The following MAPRE2 variants were observed in gnomAD, a reference collection of about 807,000 sequenced individuals.
The protein encoded by MAPRE2 is microtubule associated protein RP/EB family member 2.
In MAPRE2, 13 loss-of-function variants were observed where a neutral mutation model predicts 43.2. The observed-to-expected ratio is 0.30, with a 90% CI of 0.20 to 0.48. The LOEUF (loss-of-function observed/expected upper bound fraction) is 0.48, where lower values mean the gene tolerates loss of function less well. MAPRE2 is among the 20% of genes least tolerant of loss of function. MAPRE2 has a pLI of 0.99. For synonymous variants in MAPRE2, 135 were observed against 148.8 expected (o/e 0.91, Z 0.68); for missense variants, 161 against 400.2 (o/e 0.40, Z 5.10).
intron 1 of MAPRE2, chr18:34,978,649 C>T (rs772538151): frequency 7.3e-6 from 7 of 955,194 alleles, no homozygotes; most frequent in Non-Finnish European, 1.2e-5. Flanking sequence ...AGTGTCCCCT[C>T]TGGAAATGAA....
chr18:35,034,184 A>T (rs1207061104), intron 2 of MAPRE2, among the ~76,000 whole-genome samples: 1 of 152,058 alleles, frequency 6.6e-6, no homozygotes, highest in African/African-American at 2.4e-5. Flanking sequence ...AATGGAACAG[A>T]ACAGAGCCCT....
chr18:34,997,163 T>C (rs1260478746), intron 1 of MAPRE2, among the ~76,000 whole-genome samples: 1 of 152,196 alleles, frequency 6.6e-6, no homozygotes, highest in African/African-American at 2.4e-5. Flanking sequence ...TGACAAATAG[T>C]GATGCTCAAT....
At chr18:34,997,218 G>A (rs1163125447) in intron 1 of MAPRE2, among the ~76,000 whole-genome samples, 3 of 152,142 alleles carry the variant, frequency 2.0e-5, no homozygotes, top group Admixed American at 6.5e-5. Flanking sequence ...CTCTCAAGGG[G>A]AATGAAAATT....
intron 2 of MAPRE2, chr18:35,082,013 G>GTTTGTGCCCA (rs1474196355): frequency 6.8e-5 from 5 of 73,216 alleles, no homozygotes; most frequent in East Asian, 8.4e-4. Flanking sequence ...GTTCTGGGCC[G>GTTTGTGCCCA]GGCGCGGTGG....
At chr18:35,123,329 C>T (rs1356829333) in intron 4 of MAPRE2, among the ~76,000 whole-genome samples, 2 of 152,180 alleles carry the variant, frequency 1.3e-5, no homozygotes, top group East Asian at 3.8e-4. Flanking sequence ...CTGGATAAGG[C>T]CAGATACCAG....
chr18:34,998,509 A>G (rs2150577616), intron 1 of MAPRE2, among the ~76,000 whole-genome samples: 1 of 151,858 alleles, frequency 6.6e-6, no homozygotes, highest in East Asian at 1.9e-4. Flanking sequence ...TTATATTTTT[A>G]GTAGAGACGG....
At chr18:35,042,851 A>G (rs1905435565) in intron 1 of MAPRE2, among the ~76,000 whole-genome samples, 1 of 152,150 alleles carries the variant, frequency 6.6e-6, no homozygotes, top group Non-Finnish European at 1.5e-5. Flanking sequence ...TAAATGTTGC[A>G]TATCACAAAA....
At chr18:35,008,345 AT>A (rs2085968616) in intron 2 of MAPRE2, among the ~76,000 whole-genome samples, 2 of 152,298 alleles carry the variant, frequency 1.3e-5, no homozygotes, top group South Asian at 4.1e-4. Flanking sequence ...CAAATTTTTT[AT>A]TATATTAATG....
intron 4 of MAPRE2, among the ~76,000 whole-genome samples, chr18:35,116,725 C>T (rs1909426991): frequency 6.6e-6 from 1 of 152,170 alleles, no homozygotes; most frequent in Admixed American, 6.5e-5. Context: ...GTGTGTTTGT[C>T]AGCAAGACAG....
At chr18:35,108,768 A>T (rs1400262135) in intron 4 of MAPRE2, among the ~76,000 whole-genome samples, 2 of 151,800 alleles carry the variant, frequency 1.3e-5, no homozygotes, top group African/African-American at 4.8e-5. Context: ...GGCTGTGTAA[A>T]TGTCTTCTTT....
intron 1 of MAPRE2, among the ~76,000 whole-genome samples, chr18:34,993,543 T>C (rs2150575482): frequency 1.3e-5 from 2 of 152,342 alleles, no homozygotes; most frequent in Non-Finnish European, 2.9e-5. Context: ...TTTAAGACTG[T>C]AGTTGAGTCA....
At chr18:35,048,569 CAT>C (rs922648303) in intron 1 of MAPRE2, among the ~76,000 whole-genome samples, 20 of 149,312 alleles carry the variant, frequency 1.3e-4, no homozygotes, top group African/African-American at 3.9e-4. Flanking sequence ...ATAGTAGTAA[CAT>C]ATATGTATTA....
chr18:35,061,632 A>G (rs1906534116), intron 1 of MAPRE2, among the ~76,000 whole-genome samples: 2 of 152,206 alleles, frequency 1.3e-5, no homozygotes, highest in Non-Finnish European at 2.9e-5. Context: ...ATGACTTCTT[A>G]AATTCCCATT....
rs2097018826 is a variant in MAPRE2 at position 34,985,081 on chromosome 18, TAAAA to T, written c.-70+8004_-70+8007del. Among the ~76,000 whole-genome samples, 4 of 85,962 alleles carry T rather than the reference TAAAA, an allele frequency of 4.7e-5. No individual in the cohort carries two copies. In the Admixed American group the frequency reaches 8.1e-4, roughly 17 times the overall value. 56.4% of individuals were successfully genotyped at this position (85,962 alleles called of 152,430 possible). On this transcript the variant is annotated intron_variant, in intron 1 of 7. Transcript: ENST00000413393. The stretch of plus-strand genomic sequence containing the variant: ...ATAATATATAAAATAAAATATATTA[TAAAA>T]ATATATATTATATAATATATAAATA...
intron 2 of MAPRE2, chr18:35,082,087 G>A (rs1907665176): frequency 1.3e-5 from 1 of 75,538 alleles, no homozygotes; most frequent in Non-Finnish European, 2.1e-5. Flanking sequence ...TCAGGAGATC[G>A]AGACCATCCC....
intron 1 of MAPRE2, among the ~76,000 whole-genome samples, chr18:34,987,292 A>C (rs184238625): frequency 3.9e-5 from 6 of 152,330 alleles, no homozygotes; most frequent in South Asian, 2.1e-4. Context: ...AAGTGATTGC[A>C]ATGATGCCTT....
chr18:35,097,507 A>C lies in MAPRE2; in HGVS notation c.312A>C (p.Val104=). 1 of 1,613,976 alleles carries C rather than the reference A, an allele frequency of 6.2e-7. No homozygotes were observed. The highest frequency in any genetic ancestry group is 8.5e-7 in the Non-Finnish European group (1 of 1,179,880). Residue 104 remains valine, a synonymous_variant, in exon 3 of 7, where the codon GTA becomes GTC. Transcript: ENST00000300249. The part of the protein sequence containing the change: ...LFPGCISLKK[V]KFQAKLEHEY... The stretch of plus-strand genomic sequence containing the variant: ...CTGGCTGCATTAGTTTGAAGAAAGT[A>C]AAATTTCAAGCAAAGCTGGAACATG...
At chr18:35,111,074 T>C (rs1909152955) in intron 4 of MAPRE2, among the ~76,000 whole-genome samples, 1 of 152,194 alleles carries the variant, frequency 6.6e-6, no homozygotes, top group Non-Finnish European at 1.5e-5. Context: ...CATTTATCCA[T>C]ATGTTAGAGC....
intron 2 of MAPRE2, among the ~76,000 whole-genome samples, chr18:35,073,169 T>C (rs1345208279): frequency 6.6e-6 from 1 of 152,158 alleles, no homozygotes; most frequent in Non-Finnish European, 1.5e-5. Flanking sequence ...TTGCAGTACA[T>C]TTTACCCCAG....
Sources: allele counts gnomAD v4.1 joint callset (sites outside exome capture counted in the v4.1 genomes callset), GRCh38; gene constraint gnomAD v4.1.1; transcripts MANE v1.5; gene names NCBI Gene and HGNC (gene_info 2026-07-23, HGNC 2026-07-21).